The following CCDC6 variants were observed in gnomAD, a reference collection of about 807,000 sequenced individuals.
CCDC6 encodes the protein coiled-coil domain-containing protein 6.
A neutral mutation model predicts 56.6 loss-of-function variants in CCDC6; 20 were observed. The ratio of observed to expected loss-of-function variants is 0.35; its 90% confidence interval spans 0.25 to 0.51. The LOEUF (loss-of-function observed/expected upper bound fraction) is 0.51. CCDC6 is among the 20% of genes least tolerant of loss of function. CCDC6 has a pLI of 0.95. For synonymous variants in CCDC6, 241 were observed against 234.4 expected, an observed-to-expected ratio of 1.03 and a Z score of -0.26; for missense variants, 367 against 601.1, an observed-to-expected ratio of 0.61 and a Z score of 4.07.
chr10:59,896,381 T>A (rs1287238214), intron 1 of CCDC6, among the ~76,000 whole-genome samples: 1 of 152,128 alleles, frequency 6.6e-6, no homozygotes, highest in Non-Finnish European at 1.5e-5. Flanking sequence ...TCTGGGTGCT[T>A]ACTGGCACCA....
chr10:59,865,636 G>A (rs371812315), intron 1 of CCDC6, among the ~76,000 whole-genome samples: 16 of 152,006 alleles, frequency 1.1e-4, no homozygotes, highest in East Asian at 5.8e-4. Context: ...GGCAGATCAC[G>A]AGGTCAAGAG....
At chr10:59,888,201 G>A (rs572538489) in intron 1 of CCDC6, among the ~76,000 whole-genome samples, 3 of 152,264 alleles carry the variant, frequency 2.0e-5, no homozygotes, top group South Asian at 4.1e-4. Context: ...ACATAGCACC[G>A]CACCAGACTT....
At chr10:59,813,455 A>T (rs967728119) in intron 4 of CCDC6, among the ~76,000 whole-genome samples, 1 of 152,212 alleles carries the variant, frequency 6.6e-6, no homozygotes, top group African/African-American at 2.4e-5. Context: ...CTGACCTACA[A>T]AATGCAAACT....
chr10:59,799,907 A>G (rs1233253150), intron 7 of CCDC6, among the ~76,000 whole-genome samples: 1 of 152,176 alleles, frequency 6.6e-6, no homozygotes, highest in Admixed American at 6.5e-5. Context: ...AAAGGAGATA[A>G]TATCACAAAG....
chr10:59,831,005 C>G (rs905376601), intron 3 of CCDC6, among the ~76,000 whole-genome samples: 1 of 152,218 alleles, frequency 6.6e-6, no homozygotes, highest in Non-Finnish European at 1.5e-5. Flanking sequence ...TTGGTTAACT[C>G]TTGATTAACA....
intron 1 of CCDC6, among the ~76,000 whole-genome samples, chr10:59,881,669 G>A (rs2071336194): frequency 6.6e-6 from 1 of 152,210 alleles, no homozygotes; most frequent in Non-Finnish European, 1.5e-5. Flanking sequence ...TTACACACAT[G>A]CTGATCAACA....
intron 2 of CCDC6, among the ~76,000 whole-genome samples, chr10:59,844,757 AAAAAAAG>A (rs1462387287): frequency 1.7e-5 from 2 of 117,890 alleles, no homozygotes; most frequent in Non-Finnish European, 3.5e-5. Context: ...AAAAAAAAAA[AAAAAAAG>A]AGAGAGAGAG....
At chr10:59,871,468 TAAAAAAAAAAAAA>T (rs138741485) in intron 1 of CCDC6, among the ~76,000 whole-genome samples, 2 of 98,492 alleles carry the variant, frequency 2.0e-5, no homozygotes, top group African/African-American at 8.1e-5. Flanking sequence ...TAATACTCAT[TAAAAAAAAAAAAA>T]AAAAAAAAAA....
At chr10:59,801,399 G>A (rs959725833) in intron 7 of CCDC6, among the ~76,000 whole-genome samples, 1 of 152,084 alleles carries the variant, frequency 6.6e-6, no homozygotes, top group African/African-American at 2.4e-5. Context: ...CTGTGCTGCC[G>A]GTCGCCATCA....
At chr10:59,905,760 C>T (rs1482587950) in intron 1 of CCDC6, among the ~76,000 whole-genome samples, 1 of 152,170 alleles carries the variant, frequency 6.6e-6, no homozygotes, top group Non-Finnish European at 1.5e-5. Flanking sequence ...ATTCTGGACG[C>T]ACCCCTCAAA....
At chr10:59,859,550 CAATAGCAAATCTGACACCACTG>C (rs1818044990) in intron 1 of CCDC6, among the ~76,000 whole-genome samples, 1 of 152,090 alleles carries the variant, frequency 6.6e-6, no homozygotes, top group Non-Finnish European at 1.5e-5. Context: ...TTTTCCATTT[CAATAGCAAATCTGACACCACTG>C]AATAGCAAAG....
intron 7 of CCDC6, among the ~76,000 whole-genome samples, chr10:59,795,250 C>A (rs969475424): frequency 6.6e-6 from 1 of 152,074 alleles, no homozygotes; most frequent in South Asian, 2.1e-4. Flanking sequence ...ATAAGTAACT[C>A]CTATGACTCA....
At position 59,851,616 on chromosome 10, in the gene CCDC6, A is replaced by C. The variant is rs2071039921; in HGVS notation, c.453+937T>G. ...ACAGGATCATCTATGTGGGGAGGTAAGAAAAGAACTTAGGAAGATTTTTTA... is the reference window on the plus strand; with the variant it reads ...ACAGGATCATCTATGTGGGGAGGTACGAAAAGAACTTAGGAAGATTTTTTA... On this transcript the variant is annotated intron_variant, in intron 2 of 8. Coordinates refer to ENST00000263102, the MANE Select transcript of CCDC6 (RefSeq NM_005436.5). Among the ~76,000 whole-genome samples, 8 of 152,170 alleles carry C rather than the reference A, an allele frequency of 5.3e-5. No individual in the cohort carries two copies. The South Asian group carries it at 1.7e-3, about 32-fold the overall frequency.
intron 1 of CCDC6, among the ~76,000 whole-genome samples, chr10:59,858,205 G>A (rs1023143986): frequency 3.9e-5 from 6 of 152,184 alleles, no homozygotes; most frequent in African/African-American, 1.4e-4. Context: ...GAAGCAAGAA[G>A]AGGATTTCAG....
chr10:59,839,387 A>G (rs1318373368), intron 2 of CCDC6, among the ~76,000 whole-genome samples: 4 of 152,342 alleles, frequency 2.6e-5, no homozygotes, highest in Middle Eastern at 6.8e-3. Context: ...GAATGCAAAT[A>G]CTGATTGAAT....
At chr10:59,841,761 G>C (rs1484331787) in intron 2 of CCDC6, among the ~76,000 whole-genome samples, 1 of 151,320 alleles carries the variant, frequency 6.6e-6, no homozygotes, top group Non-Finnish European at 1.5e-5. Context: ...TCTGCCTCCT[G>C]GGTTCAGGCC....
At chr10:59,902,646 GCCTTGGCCTC>G (rs1201419023) in intron 1 of CCDC6, among the ~76,000 whole-genome samples, 2 of 152,064 alleles carry the variant, frequency 1.3e-5, no homozygotes, top group African/African-American at 4.8e-5. Flanking sequence ...TGATCCGCCT[GCCTTGGCCTC>G]CCCAAAGTGC....
chr10:59,810,486 AAAG>A (rs2070663563), intron 5 of CCDC6, among the ~76,000 whole-genome samples: 1 of 148,862 alleles, frequency 6.7e-6, no homozygotes, highest in Non-Finnish European at 1.5e-5. Flanking sequence ...GGAGCAGTAT[AAAG>A]GAGGAGGAAA....
chr10:59,906,329 G>A lies in CCDC6; in HGVS notation c.96C>T (p.Gly32=). Residue 32 remains glycine (G), a synonymous_variant, in exon 1 of 9, where the codon GGC becomes GGT. Coordinates refer to ENST00000263102, the MANE Select transcript of CCDC6 (RefSeq NM_005436.5). ...AMQSSCSSTS[G]GGGGGGGGGG... Reference sequence around the variant, plus strand: ...CGCCTCCCCCGCCGCCACCGCCGCCGCCCGAGGTCGACGAGCAGGACGACT... The same window carrying A: ...CGCCTCCCCCGCCGCCACCGCCGCCACCCGAGGTCGACGAGCAGGACGACT... 6.3e-7 allele frequency: 1 copy of A among 1,599,896 alleles called. No individual in the cohort carries two copies. Among genetic ancestry groups the A allele is most frequent in the African/African-American group, 1.3e-5 (1 of 74,942 alleles).
Sources: gnomAD v4.1 joint callset for allele counts (sites outside exome capture counted in the v4.1 genomes callset) on GRCh38, gnomAD v4.1.1 for gene constraint, MANE v1.5 for transcripts, NCBI Gene and HGNC (gene_info 2026-07-23, HGNC 2026-07-21) for gene names.